The following VAV2 variants were observed in gnomAD, a reference collection of about 807,000 sequenced individuals.
The protein encoded by VAV2 is guanine nucleotide exchange factor VAV2.
VAV2 carries 67 observed loss-of-function variants against 132.5 expected under a neutral mutation model. The observed-to-expected ratio is 0.51, with a 90% CI of 0.42 to 0.62. VAV2 has a LOEUF of 0.62. VAV2 is among the 20% of genes least tolerant of loss of function. VAV2 has a pLI of 0.00. For synonymous variants in VAV2, 492 were observed against 443.5 expected, an observed-to-expected ratio of 1.11 and a Z score of -1.37; for missense variants, 938 against 1,153.6, an observed-to-expected ratio of 0.81 and a Z score of 2.71.
At chr9:133,965,208 C>A (rs1489636750) in intron 1 of VAV2, among the ~76,000 whole-genome samples, 1 of 151,976 alleles carries the variant, frequency 6.6e-6, no homozygotes. Context: ...TCAAGAAAGG[C>A]CAGGCACAGT....
chr9:133,962,062 A>T (rs953485906), intron 1 of VAV2, among the ~76,000 whole-genome samples: 1 of 152,210 alleles, frequency 6.6e-6, no homozygotes, highest in African/African-American at 2.4e-5. Flanking sequence ...TAGCAAAGCC[A>T]GCTGGCTCAG....
At chr9:133,937,428 G>GTGTT (rs1840955289) in intron 2 of VAV2, among the ~76,000 whole-genome samples, 1 of 147,918 alleles carries the variant, frequency 6.8e-6, no homozygotes, top group African/African-American at 2.5e-5. Flanking sequence ...GTATGTCTGT[G>GTGTT]TGTGTGTGTA....
In VAV2 at chr9:133,804,817, A is replaced by G. The variant is rs1835071071; in HGVS notation, c.836+1264T>C. On this transcript the variant is annotated intron_variant, in intron 9 of 29. Coordinates refer to ENST00000371850, the MANE Select transcript of VAV2 (RefSeq NM_001134398.2). The surrounding 1 kb of genome is among the most constrained non-coding windows in gnomAD (Gnocchi z 4.5). ...AGCTGTCCTCCCCCGATCCCTGCCC[A>G]CTCTTAACCCTCTGGGGCTGGCCAG... Among the ~76,000 whole-genome samples the G allele has an allele frequency of 6.6e-6, 1 of 151,944 alleles. No homozygotes were observed. The highest frequency in any genetic ancestry group is 6.6e-5 in the Admixed American group (1 of 15,262).
chr9:133,902,650 T>C (rs573842062), intron 2 of VAV2, among the ~76,000 whole-genome samples: 8 of 152,296 alleles, frequency 5.3e-5, no homozygotes, highest in African/African-American at 1.7e-4. Flanking sequence ...TCAAAAAAGA[T>C]ACATAGGGGT....
intron 1 of VAV2, among the ~76,000 whole-genome samples, chr9:133,943,282 C>T (rs953952901): frequency 1.3e-5 from 2 of 152,172 alleles, no homozygotes; most frequent in African/African-American, 2.4e-5. Context: ...TGGCAGGGAC[C>T]GGACCCAAGG....
At chr9:133,777,281 G>C in intron 23 of VAV2, 108 bp downstream of exon 23, 1 of 1,123,828 alleles carries the variant, frequency 8.9e-7, no homozygotes, top group East Asian at 2.4e-5. Context: ...CCTAAATTTA[G>C]CAAGGATGTC....
Position 133,961,810 on chromosome 9 carries a change from A to G in VAV2, c.205-22591T>C, listed in dbSNP as rs953209469. On this transcript the variant is annotated intron_variant, in intron 1 of 29. Transcript: ENST00000371850. This position sits in a 1 kb window ranked among gnomAD's most constrained non-coding sequence, Gnocchi z 4.1. ...TGATGTACACCAGGGAGCCCACAGG[A>G]GCAGAGTGGCCCCTCGTTCTGGTGG... Among the ~76,000 whole-genome samples the G allele has an allele frequency of 1.3e-5, 2 of 152,106 alleles. No individual in the cohort carries two copies. The highest frequency in any genetic ancestry group is 2.9e-5 in the Non-Finnish European group (2 of 68,002).
At chr9:133,983,234 G>A (rs758516144) in intron 1 of VAV2, among the ~76,000 whole-genome samples, 1 of 152,220 alleles carries the variant, frequency 6.6e-6, no homozygotes, top group Admixed American at 6.5e-5. Flanking sequence ...ACAGCCCACA[G>A]ACATGGCCTG....
chr9:133,861,890 C>A (rs1018637766), intron 2 of VAV2, among the ~76,000 whole-genome samples: 24 of 152,326 alleles, frequency 1.6e-4, no homozygotes, highest in African/African-American at 5.3e-4. Context: ...AAGTGACCTG[C>A]CCAAAGTCAC....
intron 4 of VAV2, among the ~76,000 whole-genome samples, chr9:133,818,037 C>G (rs1399414146): frequency 6.6e-6 from 1 of 152,072 alleles, no homozygotes; most frequent in African/African-American, 2.4e-5. Flanking sequence ...GGACAGGTGT[C>G]ATCCAATCCA....
At chr9:133,948,560 C>A (rs1411379457) in intron 1 of VAV2, among the ~76,000 whole-genome samples, 1 of 145,334 alleles carries the variant, frequency 6.9e-6, no homozygotes, top group African/African-American at 2.9e-5. Context: ...GCTCCCCCCA[C>A]CAAGAGCAAG....
intron 9 of VAV2, among the ~76,000 whole-genome samples, chr9:133,803,522 C>T (rs541064996): frequency 6.6e-5 from 10 of 152,364 alleles, no homozygotes; most frequent in African/African-American, 2.4e-4. Context: ...CTGCAGAATG[C>T]AAGCTCCTTC....
In VAV2 at chr9:133,946,232, G is replaced by A. The variant is rs966476544; in HGVS notation, c.205-7013C>T. Among the ~76,000 whole-genome samples, 7 of 152,232 alleles carry A rather than the reference G, an allele frequency of 4.6e-5. No individual in the cohort carries two copies. In the East Asian group the frequency reaches 5.8e-4, roughly 13 times the overall value. ...GCAGAGCTCCTCAAGGCAGCTGCCA[G>A]GGACTGGGGGAGGGACACAGGCCGA... On this transcript the variant is annotated intron_variant, in intron 1 of 29. Coordinates refer to ENST00000371850, the MANE Select transcript of VAV2 (RefSeq NM_001134398.2).
In VAV2 at chr9:133,826,711, C is replaced by T. The variant is rs146032939; in HGVS notation, c.449+7561G>A. On this transcript the variant is annotated intron_variant, in intron 4 of 29. Coordinates refer to ENST00000371850, the MANE Select transcript of VAV2 (RefSeq NM_001134398.2). The surrounding 1 kb of genome is among the most constrained non-coding windows in gnomAD (Gnocchi z 4.2). ...TCTCATGTCCATGTCCTTCCTTTGG[C>T]CTCTCTTCTGCCCTGAGTGGGAGCT... Among the ~76,000 whole-genome samples the T allele has an allele frequency of 6.6e-6, 1 of 152,180 alleles. No homozygotes were observed. The highest frequency in any genetic ancestry group is 1.9e-4 in the East Asian group (1 of 5,194).
At chr9:133,821,676 T>G (rs1835792176) in intron 4 of VAV2, among the ~76,000 whole-genome samples, 1 of 152,194 alleles carries the variant, frequency 6.6e-6, no homozygotes, top group Non-Finnish European at 1.5e-5. Context: ...ACTAAAAAGT[T>G]GGATGGGGGT....
rs1423291059 is a variant in VAV2 at position 133,824,494 on chromosome 9, A to AG, written c.449+9777dup. ...AACAAGGTAGTGACTGGCCTGGCAC[A>AG]GGGGGTAAGAGCAGGTTTCCTAAAT... On this transcript the variant is annotated intron_variant, in intron 4 of 29. Transcript: ENST00000371850. This position sits in a 1 kb window ranked among gnomAD's most constrained non-coding sequence, Gnocchi z 5.2. Among the ~76,000 whole-genome samples the AG allele has an allele frequency of 2.0e-5, 3 of 152,180 alleles. No homozygotes were observed. Among genetic ancestry groups the AG allele is most frequent in the Non-Finnish European group, 4.4e-5 (3 of 68,026 alleles).
At chr9:133,959,026 C>T (rs995777038) in intron 1 of VAV2, among the ~76,000 whole-genome samples, 2 of 136,596 alleles carry the variant, frequency 1.5e-5, no homozygotes, top group African/African-American at 5.5e-5. Flanking sequence ...ACAGCACAGG[C>T]CACTGCACCG....
chr9:133,795,537 G>A, intron 12 of VAV2, 131 bp downstream of exon 12: 1 of 1,166,238 alleles, frequency 8.6e-7, no homozygotes, highest in African/African-American at 1.5e-5. Flanking sequence ...GCCCTGCCCT[G>A]CCCCAACTCC....
At chr9:133,981,049 A>G (rs1163956270) in intron 1 of VAV2, among the ~76,000 whole-genome samples, 1 of 152,246 alleles carries the variant, frequency 6.6e-6, no homozygotes, top group Non-Finnish European at 1.5e-5. Context: ...CCCTGCCAAC[A>G]GCAAAGCCTG....
Sources: gnomAD v4.1 joint callset for allele counts (sites outside exome capture counted in the v4.1 genomes callset) on GRCh38, gnomAD v4.1.1 for gene constraint, Gnocchi (gnomAD v3.1) non-coding constraint, MANE v1.5 for transcripts, NCBI Gene and HGNC (gene_info 2026-07-23, HGNC 2026-07-21) for gene names.